GATAD2A: variants seen among roughly 807,000 people sequenced by gnomAD.
GATAD2A encodes the protein transcriptional repressor p66-alpha.
Under a neutral mutation model 68.5 loss-of-function variants are expected in GATAD2A, and 12 were observed. The ratio of observed to expected loss-of-function variants is 0.18; its 90% confidence interval spans 0.11 to 0.28. GATAD2A has a LOEUF of 0.28. GATAD2A is among the 10% of genes least tolerant of loss of function. The pLI, the probability that GATAD2A is intolerant of heterozygous loss-of-function variation, is 1.00. For missense variants in GATAD2A, 755 were observed against 868.5 expected (o/e 0.87, Z 1.64); for synonymous variants, 410 against 375.3 (o/e 1.09, Z -1.07).
rs536617087 is a variant in GATAD2A, at chr19:19,487,477, A to G, written c.270-4829A>G. Among the ~76,000 whole-genome samples the G allele has an allele frequency of 1.9e-4, 25 of 133,112 alleles. No individual in the cohort carries two copies. In the South Asian group the frequency reaches 6.6e-3, roughly 35 times the overall value. The allele number at this position is 133,112 out of a possible 152,430, so 87.3% of individuals were successfully genotyped here. A position where few individuals can be genotyped will look rare whatever the true frequency, so the allele number is the denominator to read the frequency against. On this transcript the variant is annotated intron_variant, in intron 2 of 11. Transcript: ENST00000683918. ...CGTGCAGGGAGCCAAAGGCACTTAG[A>G]TGGGCTTGCTGGGCCGAGGGTGGGT...
intron 1 of GATAD2A, chr19:19,436,184 A>G (rs2054318037): frequency 7.3e-7 from 1 of 1,366,434 alleles, no homozygotes; most frequent in Non-Finnish European, 9.8e-7. Flanking sequence ...GGCCATGGCC[A>G]ACTGGTAGGA....
chr19:19,459,373 T>A (rs2057222818), intron 1 of GATAD2A, among the ~76,000 whole-genome samples: 1 of 152,156 alleles, frequency 6.6e-6, no homozygotes, highest in Non-Finnish European at 1.5e-5. Context: ...TACACCTTTT[T>A]TTTTTTTTTA....
At chr19:19,459,234 A>G (rs2057205375) in intron 1 of GATAD2A, among the ~76,000 whole-genome samples, 1 of 152,210 alleles carries the variant, frequency 6.6e-6, no homozygotes, top group Admixed American at 6.5e-5. Flanking sequence ...TTCAAGCAAT[A>G]CAGAAATGTT....
intron 1 of GATAD2A, among the ~76,000 whole-genome samples, chr19:19,430,976 G>GGGGTGTGTGTGTGT (rs140794575): frequency 2.9e-5 from 4 of 136,778 alleles, no homozygotes; most frequent in Admixed American, 1.5e-4. Flanking sequence ...GTATGGTAGG[G>GGGGTGTGTGTGTGT]GTGTGTGTGT....
chr19:19,435,982 C>T, intron 1 of GATAD2A: 2 of 376,012 alleles, frequency 5.3e-6, no homozygotes, highest in South Asian at 2.0e-5. Flanking sequence ...CTCCGACTGT[C>T]CCCATTGTGG....
chr19:19,504,203 C>T (rs2144535209), intron 11 of GATAD2A, among the ~76,000 whole-genome samples: 1 of 152,342 alleles, frequency 6.6e-6, no homozygotes, highest in African/African-American at 2.4e-5. Flanking sequence ...GACCCCATCT[C>T]AAGGGGTCTG....
intron 1 of GATAD2A, among the ~76,000 whole-genome samples, chr19:19,406,325 G>T (rs2050245593): frequency 6.6e-6 from 1 of 151,592 alleles, no homozygotes; most frequent in African/African-American, 2.4e-5. Flanking sequence ...GGGCTGGGCC[G>T]CGAGGCGCCT....
intron 1 of GATAD2A, among the ~76,000 whole-genome samples, chr19:19,417,553 C>G (rs1047944265): frequency 6.6e-6 from 1 of 152,030 alleles, no homozygotes; most frequent in Non-Finnish European, 1.5e-5. Flanking sequence ...TCCTGGACCT[C>G]AGGATTTATG....
chr19:19,402,962 G>T (rs969359949), upstream of GATAD2A, among the ~76,000 whole-genome samples: 2 of 151,816 alleles, frequency 1.3e-5, no homozygotes, highest in Non-Finnish European at 2.9e-5. Flanking sequence ...TAGTAGAGAT[G>T]AGGTTTCACT....
In GATAD2A at chr19:19,496,081, C is replaced by T. The variant is rs1411934026; in HGVS notation, c.786C>T (p.Ser262=). ...TCCACAGCATTAGGCAACATTCCAG[C>T]ACAGGGCCACCGCCCCTCCTCCTGG... ...QQIHSIRQHS[S]TGPPPLLLAP... The change falls in exon 7 of 12, where the codon AGC becomes AGT. Residue 262 remains serine, a synonymous_variant. Transcript: ENST00000683918. The T allele has an allele frequency of 1.9e-6, 3 of 1,613,692 alleles. No individual in the cohort carries two copies. Among genetic ancestry groups the T allele is most frequent in the Admixed American group, 1.7e-5 (1 of 59,998 alleles).
intron 1 of GATAD2A, among the ~76,000 whole-genome samples, chr19:19,389,445 A>T (rs1287801657): frequency 6.6e-6 from 1 of 151,966 alleles, no homozygotes; most frequent in African/African-American, 2.4e-5. Flanking sequence ...GCTTAATTTG[A>T]GTCCTTTGTG....
chr19:19,404,128 G>A (rs2146997654), upstream of GATAD2A, among the ~76,000 whole-genome samples: 1 of 152,144 alleles, frequency 6.6e-6, no homozygotes, highest in Admixed American at 6.6e-5. Context: ...GGGGCAGGGC[G>A]GTGTGTTTGG....
chr19:19,436,176 C>T, intron 1 of GATAD2A: 1 of 1,366,318 alleles, frequency 7.3e-7, no homozygotes. Context: ...GTCACTGTGG[C>T]CATGGCCAAC....
intron 1 of GATAD2A, among the ~76,000 whole-genome samples, chr19:19,438,864 A>G (rs1024302903): frequency 2.6e-5 from 4 of 152,236 alleles, no homozygotes; most frequent in South Asian, 2.1e-4. Flanking sequence ...CAGGACTTAT[A>G]AATGTGTCAG....
At chr19:19,494,993 G>A (rs1055134541) in intron 5 of GATAD2A, among the ~76,000 whole-genome samples, 2 of 152,166 alleles carry the variant, frequency 1.3e-5, no homozygotes, top group Admixed American at 1.3e-4. Context: ...TGTGTTATAC[G>A]TTTGCCTTGT....
At chr19:19,406,738 A>G (rs1481467192) in intron 1 of GATAD2A, among the ~76,000 whole-genome samples, 1 of 152,174 alleles carries the variant, frequency 6.6e-6, no homozygotes, top group Non-Finnish European at 1.5e-5. Context: ...GATTATTGCC[A>G]AGAATCGGAA....
chr19:19,387,705 A>C (rs1024750456), intron 1 of GATAD2A, among the ~76,000 whole-genome samples: 5 of 151,934 alleles, frequency 3.3e-5, no homozygotes, highest in Non-Finnish European at 7.4e-5. Context: ...TAGTTTTCTG[A>C]GGTATACCCC....
intron 2 of GATAD2A, among the ~76,000 whole-genome samples, chr19:19,474,399 C>T (rs55927831): frequency 0.035 from 5,355 of 152,264 alleles, 326 homozygotes; most frequent in African/African-American, 0.12. Context: ...AGGGCCCTCA[C>T]GCACTCCCAG....
rs1063966 is a variant in GATAD2A at position 19,505,933 on chromosome 19, G to A, written c.*459G>A. The A allele has an allele frequency of 0.38, 152,518 of 398,644 alleles. 31,362 individuals are homozygous for A. Among genetic ancestry groups the A allele is most frequent in the African/African-American group, 0.62 (30,149 of 48,566 alleles). The allele number at this position is 398,644 out of a possible 1,614,324, so 24.7% of individuals were successfully genotyped here. A position where few individuals can be genotyped will look rare whatever the true frequency, so the allele number is the denominator to read the frequency against. ...TGCTTTTCCCTGTCTTAGGCTCCCAGTCTTTGACTGCCTTCCCATGGCGAT... is the reference window on the plus strand; with the variant it reads ...TGCTTTTCCCTGTCTTAGGCTCCCAATCTTTGACTGCCTTCCCATGGCGAT... On this transcript the variant is annotated 3_prime_UTR_variant, in exon 12 of 12. Transcript: ENST00000683918.
Sources: gnomAD v4.1 joint callset for allele counts (sites outside exome capture counted in the v4.1 genomes callset) on GRCh38, gnomAD v4.1.1 for gene constraint, MANE v1.5 for transcripts, NCBI Gene and HGNC (gene_info 2026-07-23, HGNC 2026-07-21) for gene names.